Variants in RANBP3L observed in about 807,000 individuals in gnomAD.
RANBP3L encodes the protein RAN binding protein 3 like.
In RANBP3L, 56 loss-of-function variants were observed where a neutral mutation model predicts 67.2. That is an observed-to-expected ratio of 0.83 (90% CI 0.67 to 1.04). RANBP3L has a LOEUF of 1.04. Among genes scored for constraint, RANBP3L ranks in the 50% least tolerant of loss-of-function variants. The pLI is 0.00. For missense variants in RANBP3L, 496 were observed against 535.5 expected (o/e 0.93, Z 0.73); for synonymous variants, 164 against 181.4 (o/e 0.90, Z 0.77).
At chr5:36,263,119 T>C (rs2111782445) in intron 6 of RANBP3L, among the ~76,000 whole-genome samples, 1 of 152,294 alleles carries the variant, frequency 6.6e-6, no homozygotes, top group South Asian at 2.1e-4. Flanking sequence ...TAGGATCTTA[T>C]ATACAGTGTG....
chr5:36,269,421 AG>A lies in RANBP3L; in HGVS notation c.236del (p.Thr79IlefsTer12). Reference protein sequence around the residue: ...PTKRVRSSSFTFHITDSQSQG... With the variant: ...PTKRVRSSSFXFHITDSQSQG... ...GGGACTGAGAATCTGTAATATGAAA[AG>A]TAAAAGATGAAGACCGTACACGCTT... On this transcript the variant is annotated frameshift_variant, in exon 4 of 14. Coordinates refer to ENST00000296604, the MANE Select transcript of RANBP3L (RefSeq NM_145000.5). LOFTEE classifies it high-confidence loss of function. 1 of 1,576,648 alleles carries A rather than the reference AG, an allele frequency of 6.3e-7. No individual in the cohort carries two copies. Among genetic ancestry groups the A allele is most frequent in the Non-Finnish European group, 8.7e-7 (1 of 1,145,646 alleles).
chr5:36,292,735 G>A lies in RANBP3L; in HGVS notation c.91+8591C>T, dbSNP rs1170558699. On this transcript the variant is annotated intron_variant, in intron 1 of 13. Transcript: ENST00000296604. ...TAGATATGCAGTGTTATTTCTGAGG[G>A]CTCTGTTCTGTTCCATTGATCTATA... Among the ~76,000 whole-genome samples, 4 of 151,946 alleles carry A rather than the reference G, an allele frequency of 2.6e-5. No individual in the cohort carries two copies. The East Asian group carries it at 5.8e-4, about 22-fold the overall frequency.
intron 9 of RANBP3L, 54 bp from the exon 10 acceptor site, chr5:36,257,125 A>G (rs1749041515): frequency 2.6e-6 from 4 of 1,516,190 alleles, no homozygotes; most frequent in Non-Finnish European, 3.6e-6. Flanking sequence ...TCTACTGTGA[A>G]AGTTCTTTGT....
chr5:36,273,972 G>A (rs1053693317), intron 1 of RANBP3L, among the ~76,000 whole-genome samples: 3 of 152,144 alleles, frequency 2.0e-5, no homozygotes, highest in African/African-American at 7.2e-5. Flanking sequence ...CCAATCACAG[G>A]AGGCCAACTC....
At chr5:36,300,546 T>A (rs146507476) in intron 1 of RANBP3L, among the ~76,000 whole-genome samples, 1 of 152,260 alleles carries the variant, frequency 6.6e-6, no homozygotes, top group African/African-American at 2.4e-5. Context: ...AAAAGATCTA[T>A]CCTAGGTTAT....
At chr5:36,291,602 A>G (rs558342644) in intron 1 of RANBP3L, among the ~76,000 whole-genome samples, 1 of 150,562 alleles carries the variant, frequency 6.6e-6, no homozygotes, top group South Asian at 2.1e-4. Flanking sequence ...TCCTGTGTCC[A>G]TGTGTTTTCC....
At chr5:36,285,065 G>C (rs1751229768) in intron 1 of RANBP3L, among the ~76,000 whole-genome samples, 1 of 152,166 alleles carries the variant, frequency 6.6e-6, no homozygotes, top group African/African-American at 2.4e-5. Context: ...CCAGCTCTGA[G>C]ACCTCCTGGG....
Position 36,265,492 on chromosome 5 carries a change from T to G in RANBP3L, c.297A>C (p.Ser99=). ...GVRKNNVFMT[S]ALVQSSVDIK... is the part of the protein sequence containing the mutation. ...TATCAACACTACTTTGCACAAGAGC[T>G]GATGTCATAAAAACATTGTTTTTCC... The change falls in exon 5 of 14, where the codon TCA becomes TCC. Residue 99 remains serine, a synonymous_variant. Transcript: ENST00000296604. The G allele has an allele frequency of 6.2e-7, 1 of 1,605,760 alleles. No individual in the cohort carries two copies. Among genetic ancestry groups the G allele is most frequent in the Non-Finnish European group, 8.5e-7 (1 of 1,174,036 alleles).
At chr5:36,270,532 C>A (rs1195200214) in intron 2 of RANBP3L, among the ~76,000 whole-genome samples, 1 of 152,100 alleles carries the variant, frequency 6.6e-6, no homozygotes, top group Non-Finnish European at 1.5e-5. Context: ...TTCTGTCACC[C>A]AGGCTGCAGT....
At chr5:36,254,981 C>A (rs183745857) in intron 11 of RANBP3L, among the ~76,000 whole-genome samples, 1 of 152,216 alleles carries the variant, frequency 6.6e-6, no homozygotes, top group Admixed American at 6.5e-5. Flanking sequence ...TTCATCCCGA[C>A]CCCCATCCCA....
intron 4 of RANBP3L, among the ~76,000 whole-genome samples, chr5:36,268,605 C>T (rs576606266): frequency 6.6e-6 from 1 of 152,200 alleles, no homozygotes; most frequent in South Asian, 2.1e-4. Flanking sequence ...CCCTGGAGTG[C>T]TTTCAGCATA....
intron 1 of RANBP3L, among the ~76,000 whole-genome samples, chr5:36,291,897 G>A (rs1181789731): frequency 1.5e-5 from 2 of 133,796 alleles, no homozygotes; most frequent in Non-Finnish European, 3.2e-5. Context: ...ATGATTTATA[G>A]TCCTTTGGGT....
intron 6 of RANBP3L, among the ~76,000 whole-genome samples, chr5:36,262,868 A>G (rs1244966257): frequency 6.6e-6 from 1 of 152,220 alleles, no homozygotes; most frequent in Non-Finnish European, 1.5e-5. Flanking sequence ...CATTCAGATA[A>G]TGTATCTCTC....
chr5:36,267,507 CAAA>C (rs1326176266), intron 4 of RANBP3L, among the ~76,000 whole-genome samples: 3 of 149,614 alleles, frequency 2.0e-5, no homozygotes, highest in African/African-American at 7.6e-5. Context: ...GACTCCGTCT[CAAA>C]AAAAAAAAAA....
chr5:36,298,021 G>T (rs1436330729), intron 1 of RANBP3L, among the ~76,000 whole-genome samples: 1 of 151,912 alleles, frequency 6.6e-6, no homozygotes, highest in Non-Finnish European at 1.5e-5. Flanking sequence ...ATGTGTTGAG[G>T]TCAGTGCGGT....
At chr5:36,258,913 A>G (rs1749178416) in intron 8 of RANBP3L, among the ~76,000 whole-genome samples, 1 of 152,210 alleles carries the variant, frequency 6.6e-6, no homozygotes, top group Non-Finnish European at 1.5e-5. Context: ...GGCCAGGCAT[A>G]GGAAATCCTT....
chr5:36,252,404 G>A (rs1224643790), intron 12 of RANBP3L, among the ~76,000 whole-genome samples: 1 of 148,434 alleles, frequency 6.7e-6, no homozygotes, highest in Non-Finnish European at 1.5e-5. Context: ...AAAATAACAT[G>A]TGTATTTCAC....
At chr5:36,293,644 A>C (rs1751970622) in intron 1 of RANBP3L, among the ~76,000 whole-genome samples, 1 of 122,514 alleles carries the variant, frequency 8.2e-6, no homozygotes, top group Non-Finnish European at 1.9e-5. Context: ...CCTTTTCTGC[A>C]TCCATTGAGA....
chr5:36,253,329 G>T, intron 12 of RANBP3L, among the ~76,000 whole-genome samples: 1 of 151,976 alleles, frequency 6.6e-6, no homozygotes, highest in East Asian at 1.9e-4. Flanking sequence ...ACCTCTTCCT[G>T]GGAACCATTC....
Sources: gnomAD v4.1 joint callset for allele counts (sites outside exome capture counted in the v4.1 genomes callset) on GRCh38, gnomAD v4.1.1 for gene constraint, MANE v1.5 for transcripts, NCBI Gene and HGNC (gene_info 2026-07-23, HGNC 2026-07-21) for gene names.